The following NEDD4L variants were observed in gnomAD, a reference collection of about 807,000 sequenced individuals.
NEDD4L encodes the protein NEDD4 like E3 ubiquitin protein ligase, also known as E3 ubiquitin-protein ligase NEDD4-like.
A neutral mutation model predicts 148.9 loss-of-function variants in NEDD4L; 54 were observed. The observed-to-expected ratio is 0.36, with a 90% CI of 0.29 to 0.45. The LOEUF (loss-of-function observed/expected upper bound fraction) is 0.45, where lower values mean the gene tolerates loss of function less well. NEDD4L is among the 20% of genes least tolerant of loss of function. The pLI, the probability that NEDD4L is intolerant of heterozygous loss-of-function variation, is 1.00. For missense variants in NEDD4L, 856 were observed against 1,233.8 expected (o/e 0.69, Z 4.59); for synonymous variants, 433 against 440.7 (o/e 0.98, Z 0.22).
Position 58,373,229 on chromosome 18 carries a change from TG to T in NEDD4L, c.2314del (p.Asp772ThrfsTer6). On this transcript the variant is annotated frameshift_variant, in exon 24 of 31. Transcript: ENST00000400345. LOFTEE classifies it high-confidence loss of function. ...KWILENDPTE[L>X]DLMFCIDEEN... ...ATCCTGGAGAATGACCCTACTGAGC[TG>T]GACCTCATGTTCTGCATAGACGAAG... 6.3e-7 allele frequency: 1 copy of T among 1,581,174 alleles called. No individual in the cohort carries two copies. Among genetic ancestry groups the T allele is most frequent in the Admixed American group, 1.8e-5 (1 of 56,330 alleles).
At chr18:58,111,460 G>A (rs192573813) in intron 1 of NEDD4L, among the ~76,000 whole-genome samples, 57 of 152,206 alleles carry the variant, frequency 3.7e-4, no homozygotes, top group African/African-American at 1.3e-3. Context: ...CCATCCCTAG[G>A]CAGCCTCTAA....
chr18:58,357,737 C>G (rs2044878018), intron 19 of NEDD4L, among the ~76,000 whole-genome samples: 1 of 152,080 alleles, frequency 6.6e-6, no homozygotes, highest in Admixed American at 6.5e-5. Flanking sequence ...CTCTGCCGAC[C>G]CACAGTGTTC....
chr18:58,327,703 G>T (rs561429049), intron 9 of NEDD4L, among the ~76,000 whole-genome samples: 3 of 152,324 alleles, frequency 2.0e-5, no homozygotes, highest in African/African-American at 7.2e-5. Flanking sequence ...GTTTTAGAAA[G>T]AGTCTATAAT....
intron 26 of NEDD4L, among the ~76,000 whole-genome samples, chr18:58,386,520 C>T (rs1476503395): frequency 1.3e-5 from 2 of 152,162 alleles, no homozygotes; most frequent in Non-Finnish European, 2.9e-5. Context: ...AAAGTGGGCA[C>T]TGCCCAGATC....
chr18:58,095,207 T>A (rs1438518897), intron 1 of NEDD4L, among the ~76,000 whole-genome samples: 2 of 152,220 alleles, frequency 1.3e-5, no homozygotes, highest in Non-Finnish European at 2.9e-5. Context: ...CCTGGGCTGC[T>A]TAGTATTTAT....
rs189929506 is a variant in NEDD4L, at chr18:58,283,132, G to A, written c.297+31078G>A. Among the ~76,000 whole-genome samples the A allele has an allele frequency of 2.0e-5, 3 of 152,232 alleles. No homozygotes were observed. The East Asian group carries it at 5.8e-4, about 29-fold the overall frequency. On this transcript the variant is annotated intron_variant, in intron 5 of 30. Transcript: ENST00000400345. ...GCTCTGTCGCCCAGGCTGGAGCGCA[G>A]TGGTGCGATCTCAGCTCACTGCAAC...
chr18:58,158,192 C>T (rs543176867), intron 1 of NEDD4L, among the ~76,000 whole-genome samples: 6 of 152,338 alleles, frequency 3.9e-5, no homozygotes, highest in South Asian at 2.1e-4. Context: ...AGTTCCTTAT[C>T]GCAGAGATTG....
At chr18:58,378,682 G>C (rs369105258) in intron 24 of NEDD4L, among the ~76,000 whole-genome samples, 1 of 152,168 alleles carries the variant, frequency 6.6e-6, no homozygotes. Context: ...CCCCGAGGCC[G>C]TGCCCTGCAG....
intron 5 of NEDD4L, among the ~76,000 whole-genome samples, chr18:58,259,994 C>T (rs183641265): frequency 4.7e-4 from 72 of 152,116 alleles, no homozygotes; most frequent in East Asian, 3.9e-3. Flanking sequence ...TAATATTAGT[C>T]GATGTCTGTT....
chr18:58,159,480 G>A (rs1394469196), intron 1 of NEDD4L, among the ~76,000 whole-genome samples: 2 of 152,066 alleles, frequency 1.3e-5, no homozygotes, highest in African/African-American at 4.8e-5. Context: ...TGAGTGTGTC[G>A]CGGTAGGGGG....
At chr18:58,058,237 C>T (rs902239797) in intron 1 of NEDD4L, among the ~76,000 whole-genome samples, 13 of 152,176 alleles carry the variant, frequency 8.5e-5, no homozygotes, top group Non-Finnish European at 1.9e-4. Flanking sequence ...ACCTGAGAGG[C>T]GGAGATTGCA....
chr18:58,391,204 G>A (rs1204235791), intron 29 of NEDD4L, among the ~76,000 whole-genome samples: 1 of 152,054 alleles, frequency 6.6e-6, no homozygotes, highest in African/African-American at 2.4e-5. Context: ...AATTTCCAGG[G>A]CCCAGCTGAG....
At chr18:58,327,038 A>G (rs1270291209) in intron 9 of NEDD4L, among the ~76,000 whole-genome samples, 2 of 152,222 alleles carry the variant, frequency 1.3e-5, no homozygotes, top group Non-Finnish European at 2.9e-5. Context: ...GCAGTGTCCC[A>G]GAAACTAAAA....
At chr18:58,335,603 G>A (rs988792770) in intron 13 of NEDD4L, 66 bp downstream of exon 13, 1 of 1,176,782 alleles carries the variant, frequency 8.5e-7, no homozygotes, top group African/African-American at 1.5e-5. Flanking sequence ...ATTTCGTGTA[G>A]TGGTGAATAT....
At chr18:58,237,667 AT>A (rs766026663) in intron 2 of NEDD4L, among the ~76,000 whole-genome samples, 4 of 152,352 alleles carry the variant, frequency 2.6e-5, no homozygotes, top group East Asian at 3.9e-4. Context: ...TTAATAAAAT[AT>A]TTTTATTAGC....
At chr18:58,162,912 A>C (rs1179268191) in intron 1 of NEDD4L, among the ~76,000 whole-genome samples, 2 of 151,978 alleles carry the variant, frequency 1.3e-5, no homozygotes, top group Non-Finnish European at 2.9e-5. Flanking sequence ...AAAAATTCAA[A>C]AATTAGCTGG....
chr18:58,396,331 C>A lies in NEDD4L; in HGVS notation c.*62C>A. 1 of 1,168,912 alleles carries A rather than the reference C, an allele frequency of 8.6e-7. No individual in the cohort carries two copies. Among genetic ancestry groups the A allele is most frequent in the Non-Finnish European group, 1.3e-6 (1 of 792,980 alleles). 72.4% of individuals were successfully genotyped at this position (1,168,912 alleles called of 1,614,324 possible). On this transcript the variant is annotated 3_prime_UTR_variant, in exon 31 of 31. Coordinates refer to ENST00000400345, the MANE Select transcript of NEDD4L (RefSeq NM_001144967.3). Reference sequence around the variant, plus strand: ...AGTTCTGCTTGCACTTTTGCATTTGCCTAACAGACTTTTGCAGAGGCGATG... The same window carrying A: ...AGTTCTGCTTGCACTTTTGCATTTGACTAACAGACTTTTGCAGAGGCGATG...
chr18:58,256,273 C>G lies in NEDD4L; in HGVS notation c.297+4219C>G, dbSNP rs1364020288. ...AGGTGAGGCTGCTGCCCCTGGGCCC[C>G]GATGGCCAGGGCGGCCCGGCCGCGG... is the stretch of plus-strand genomic sequence containing the variant. On this transcript the variant is annotated intron_variant, in intron 5 of 30. Coordinates refer to ENST00000400345, the MANE Select transcript of NEDD4L (RefSeq NM_001144967.3). The surrounding 1 kb of genome is among the most constrained non-coding windows in gnomAD (Gnocchi z 5.2). 5 of 1,231,270 alleles carry G rather than the reference C, an allele frequency of 4.1e-6. No individual in the cohort carries two copies. Among genetic ancestry groups the G allele is most frequent in the South Asian group, 4.1e-5 (1 of 24,324 alleles). The allele number at this position is 1,231,270 out of a possible 1,614,324, so 76.3% of individuals were successfully genotyped here. A position where few individuals can be genotyped will look rare whatever the true frequency, so the allele number is the denominator to read the frequency against.
At chr18:58,112,802 A>G (rs2085503316) in intron 1 of NEDD4L, among the ~76,000 whole-genome samples, 2 of 152,152 alleles carry the variant, frequency 1.3e-5, no homozygotes, top group East Asian at 1.9e-4. Context: ...TTATATATAC[A>G]TTTTTAATAT....
Sources: allele counts gnomAD v4.1 joint callset (sites outside exome capture counted in the v4.1 genomes callset), GRCh38; gene constraint gnomAD v4.1.1; non-coding constraint Gnocchi (gnomAD v3.1); transcripts MANE v1.5; gene names NCBI Gene and HGNC (gene_info 2026-07-23, HGNC 2026-07-21).